Variants in SRSF10 observed in about 807,000 individuals in gnomAD.
The protein encoded by SRSF10 is serine/arginine-rich splicing factor 10.
Under a neutral mutation model 32.6 loss-of-function variants are expected in SRSF10, and 9 were observed. The observed-to-expected ratio is 0.28, with a 90% CI of 0.17 to 0.48. SRSF10 has a LOEUF of 0.48. Among genes scored for constraint, SRSF10 ranks in the 20% least tolerant of loss-of-function variants. The probability of loss-of-function intolerance (pLI) is 0.99; values close to 1 mark genes in which losing one functional copy is unlikely to be tolerated. For missense variants in SRSF10, 201 were observed against 331.8 expected (o/e 0.61, Z 3.06); for synonymous variants, 105 against 112.4 (o/e 0.93, Z 0.42).
chr1:23,975,827 T>C (rs1570785245), intron 2 of SRSF10: 1 of 152,204 alleles, frequency 6.6e-6, no homozygotes, highest in African/African-American at 2.4e-5. Context: ...ACCCTAAATA[T>C]ACAACTTCTT....
intron 1 of SRSF10, among the ~76,000 whole-genome samples, chr1:23,979,213 A>G (rs1168870437): frequency 6.6e-6 from 1 of 152,284 alleles, no homozygotes; most frequent in African/African-American, 2.4e-5. Flanking sequence ...CGAACTTCTT[A>G]AATAGTTAAG....
Position 23,968,155 on chromosome 1 carries a change from G to T in SRSF10, c.*2987C>A, listed in dbSNP as rs374900334. Among the ~76,000 whole-genome samples, 265 of 152,168 alleles carry T rather than the reference G, an allele frequency of 1.7e-3. No individual in the cohort carries two copies. Among genetic ancestry groups the T allele is most frequent in the African/African-American group, 6.2e-3 (257 of 41,524 alleles). ...AACACTACGTAAAGATCCTCATCAA[G>T]TATCAGTAGGATCCAAACTACCATG... On this transcript the variant is annotated 3_prime_UTR_variant, in exon 6 of 6. Transcript: ENST00000492112.
intron 1 of SRSF10, among the ~76,000 whole-genome samples, chr1:23,979,355 G>C (rs1183458126): frequency 6.6e-6 from 1 of 151,910 alleles, no homozygotes. Flanking sequence ...AAATCACAAA[G>C]CTAGCAAAAA....
chr1:23,979,430 A>G (rs1184583054), intron 1 of SRSF10, among the ~76,000 whole-genome samples: 1 of 151,906 alleles, frequency 6.6e-6, no homozygotes, highest in Non-Finnish European at 1.5e-5. Context: ...TATTTGTGAA[A>G]TAAAAAGCCT....
In SRSF10 at chr1:23,976,387, G is replaced by A. The variant is rs1391253911; in HGVS notation, c.171-1310C>T. On this transcript the variant is annotated intron_variant, in intron 2 of 5. Coordinates refer to ENST00000492112, the MANE Select transcript of SRSF10 (RefSeq NM_054016.4). ...TGTCTTCCCGAGGCCATTATGAACA[G>A]ATTAAATGGAAGGACAAATTCTAAA... The A allele has an allele frequency of 5.9e-5, 9 of 152,288 alleles. No individual in the cohort carries two copies. In the East Asian group the frequency reaches 1.5e-3, roughly 26 times the overall value. 9.4% of individuals were successfully genotyped at this position (152,288 alleles called of 1,614,324 possible).
Position 23,967,481 on chromosome 1 carries a change from T to C in SRSF10, c.*3661A>G. On this transcript the variant is annotated 3_prime_UTR_variant, in exon 6 of 6. Coordinates refer to ENST00000492112, the MANE Select transcript of SRSF10 (RefSeq NM_054016.4). ...ACAAGTACAAAGTTGAATTTCCTTT[T>C]ATTTGTCCTAAAATGCTTACTTTCA... is the stretch of plus-strand genomic sequence containing the variant. 2.1e-6 allele frequency: 1 copy of C among 487,626 alleles called. No homozygotes were observed. The highest frequency in any genetic ancestry group is 3.7e-6 in the Non-Finnish European group (1 of 272,126). 30.2% of individuals were successfully genotyped at this position (487,626 alleles called of 1,614,324 possible).
In SRSF10 at chr1:23,967,789, T is replaced by C. The variant is rs1010566731; in HGVS notation, c.*3353A>G. The C allele has an allele frequency of 1.3e-5, 20 of 1,596,318 alleles. No individual in the cohort carries two copies. Among genetic ancestry groups the C allele is most frequent in the Admixed American group, 1.7e-5 (1 of 57,464 alleles). ...ATTCTTCTCTGTGGTATACAGGATT[T>C]TGTTAGTTGAACTGGATGTAGCAGC... On this transcript the variant is annotated 3_prime_UTR_variant, in exon 6 of 6. Coordinates refer to ENST00000492112, the MANE Select transcript of SRSF10 (RefSeq NM_054016.4).
intron 3 of SRSF10, among the ~76,000 whole-genome samples, chr1:23,973,462 G>A (rs1570777278): frequency 6.6e-6 from 1 of 152,166 alleles, no homozygotes; most frequent in Non-Finnish European, 1.5e-5. Flanking sequence ...GACCACAGGT[G>A]TGCACTATCA....
chr1:23,974,438 A>G (rs1641959902), intron 3 of SRSF10, among the ~76,000 whole-genome samples: 2 of 152,182 alleles, frequency 1.3e-5, no homozygotes, highest in Non-Finnish European at 2.9e-5. Context: ...TATTTCAGGC[A>G]TTCTCATCTC....
In SRSF10 at chr1:23,966,879, T is replaced by C. The variant is rs1641480128; in HGVS notation, c.*4263A>G. ...ATATTGTGTTCTATAATTACATTGA[T>C]ACGAATGGTGTAAAATATTGTTATG... On this transcript the variant is annotated 3_prime_UTR_variant, in exon 6 of 6. Coordinates refer to ENST00000492112, the MANE Select transcript of SRSF10 (RefSeq NM_054016.4). The C allele has an allele frequency of 6.6e-6, 1 of 152,112 alleles. No homozygotes were observed. The allele number at this position is 152,112 out of a possible 1,614,324, so 9.4% of individuals were successfully genotyped here.
In SRSF10 at chr1:23,971,459, A is replaced by G; in HGVS notation, c.492-20T>C. Reference sequence around the variant, plus strand: ...TTGAATCTTTCAAAACAGAGGAGAGATATAATTAGAGTAAAAATTAGATTC... The same window carrying G: ...TTGAATCTTTCAAAACAGAGGAGAGGTATAATTAGAGTAAAAATTAGATTC... On this transcript the variant is annotated intron_variant, in intron 5 of 5. Coordinates refer to ENST00000492112, the MANE Select transcript of SRSF10 (RefSeq NM_054016.4). The G allele has an allele frequency of 6.3e-7, 1 of 1,594,760 alleles. No individual in the cohort carries two copies. The highest frequency in any genetic ancestry group is 8.5e-7 in the Non-Finnish European group (1 of 1,174,134).
At chr1:23,977,968 C>CT (rs1642193593) in intron 2 of SRSF10, 2 of 984,918 alleles carry the variant, frequency 2.0e-6, no homozygotes, top group Non-Finnish European at 2.4e-6. Context: ...ACCTTTAACT[C>CT]TTTAAGTGCT....
intron 1 of SRSF10, among the ~76,000 whole-genome samples, chr1:23,979,835 G>A (rs1642341808): frequency 1.3e-5 from 2 of 151,044 alleles, no homozygotes; most frequent in Admixed American, 1.3e-4. Flanking sequence ...CCAAGGGGGC[G>A]TGAACCTCGA....
At chr1:23,973,549 G>C (rs1483646411) in intron 3 of SRSF10, among the ~76,000 whole-genome samples, 1 of 152,024 alleles carries the variant, frequency 6.6e-6, no homozygotes, top group Non-Finnish European at 1.5e-5. Context: ...TCAAACTCCT[G>C]GGCTCAGGCA....
In SRSF10 at chr1:23,978,829, TA is replaced by T; in HGVS notation, c.66-13del. 6.3e-7 allele frequency: 1 copy of T among 1,593,596 alleles called. No individual in the cohort carries two copies. ...GCAAGTCTTCAGACCTAAAACATCA[TA>T]AAAAGACCTCAAATTTTTATGTCCA... On this transcript the variant is annotated splice_polypyrimidine_tract_variant and intron_variant, in intron 1 of 5. Transcript: ENST00000492112.
chr1:23,970,596 T>A lies in SRSF10; in HGVS notation c.*546A>T. ...GGCTGGTCTCGAACTCCTGACCTCG[T>A]GATCCGCCCGCCTCGGCCTCCCAAA... On this transcript the variant is annotated 3_prime_UTR_variant, in exon 6 of 6. Coordinates refer to ENST00000492112, the MANE Select transcript of SRSF10 (RefSeq NM_054016.4). 1.2e-6 allele frequency: 1 copy of A among 858,022 alleles called. No individual in the cohort carries two copies. The highest frequency in any genetic ancestry group is 1.4e-6 in the Non-Finnish European group (1 of 713,942). 53.2% of individuals were successfully genotyped at this position (858,022 alleles called of 1,614,324 possible). A position where few individuals can be genotyped will look rare whatever the true frequency, so the allele number is the denominator to read the frequency against.
chr1:23,979,939 G>A (rs1015249745), intron 1 of SRSF10, among the ~76,000 whole-genome samples: 5 of 152,096 alleles, frequency 3.3e-5, no homozygotes, highest in Non-Finnish European at 5.9e-5. Flanking sequence ...CAGGGAGAAA[G>A]GGGCTGCAAA....
At position 23,971,981 on chromosome 1, in the gene SRSF10, C is replaced by G; in HGVS notation, c.306G>C (p.Arg102Ser). The change falls in exon 4 of 6, where the codon AGG becomes AGC. Residue 102 changes from arginine (R) to serine (S), a missense_variant. Around this residue, in one of 3 missense-constraint regions of SRSF10, gnomAD observed 159 missense variants for 196.7 expected, o/e 0.81. Coordinates refer to ENST00000492112, the MANE Select transcript of SRSF10 (RefSeq NM_054016.4). ...TPNQMKAKEG[R>S]NVYSSSRYDD... Reference sequence around the variant, plus strand: ...CATAGCGTGAAGAACTGTACACATTCCTCCCTTCCTTGGCTTTCATCTGAT... The same window carrying G: ...CATAGCGTGAAGAACTGTACACATTGCTCCCTTCCTTGGCTTTCATCTGAT... The G allele has an allele frequency of 6.5e-7, 1 of 1,532,992 alleles. No individual in the cohort carries two copies. Among genetic ancestry groups the G allele is most frequent in the Non-Finnish European group, 8.7e-7 (1 of 1,147,182 alleles). The allele number at this position is 1,532,992 out of a possible 1,614,324, so 95.0% of individuals were successfully genotyped here.
chr1:23,967,793 T>G lies in SRSF10; in HGVS notation c.*3349A>C. 3.8e-6 allele frequency: 6 copies of G among 1,594,486 alleles called. No homozygotes were observed. Among genetic ancestry groups the G allele is most frequent in the Non-Finnish European group, 5.1e-6 (6 of 1,168,750 alleles). On this transcript the variant is annotated 3_prime_UTR_variant, in exon 6 of 6. Transcript: ENST00000492112. ...TTCTCTGTGGTATACAGGATTTTGT[T>G]AGTTGAACTGGATGTAGCAGCTTAC...
Sources: allele counts gnomAD v4.1 joint callset (sites outside exome capture counted in the v4.1 genomes callset), GRCh38; gene constraint gnomAD v4.1.1; regional missense constraint gnomAD v4.1.1; transcripts MANE v1.5; gene names NCBI Gene and HGNC (gene_info 2026-07-23, HGNC 2026-07-21).